Variants in ENTHD1 observed in about 807,000 individuals in gnomAD.
ENTHD1 encodes ENTH domain-containing protein 1.
ENTHD1 carries 23 observed loss-of-function variants against 39.1 expected under a neutral mutation model. That is an observed-to-expected ratio of 0.59 (90% CI 0.42 to 0.83). The LOEUF is 0.83. ENTHD1 is among the 40% of genes least tolerant of loss of function. The probability of loss-of-function intolerance (pLI) is 0.00; values close to 1 mark genes in which losing one functional copy is unlikely to be tolerated. For synonymous variants in ENTHD1, 230 were observed against 258.2 expected, an observed-to-expected ratio of 0.89 and a Z score of 1.05; for missense variants, 624 against 705.4, an observed-to-expected ratio of 0.88 and a Z score of 1.31.
intron 6 of ENTHD1, among the ~76,000 whole-genome samples, chr22:39,753,356 T>G (rs557330453): frequency 6.6e-6 from 1 of 152,328 alleles, no homozygotes; most frequent in South Asian, 2.1e-4. Context: ...GAGCTACAGA[T>G]AAATAACTTA....
At chr22:39,798,774 G>A (rs1034853058) in intron 5 of ENTHD1, among the ~76,000 whole-genome samples, 1 of 152,166 alleles carries the variant, frequency 6.6e-6, no homozygotes. Flanking sequence ...GGATGGGTGG[G>A]CAAGTCCTCC....
intron 5 of ENTHD1, among the ~76,000 whole-genome samples, chr22:39,770,079 A>G (rs1368918699): frequency 2.0e-5 from 3 of 152,162 alleles, no homozygotes; most frequent in Admixed American, 6.5e-5. Context: ...GGAAAGTTAA[A>G]TATGTGTAGA....
intron 5 of ENTHD1, among the ~76,000 whole-genome samples, chr22:39,795,382 G>A (rs1174398966): frequency 6.6e-6 from 1 of 151,782 alleles, no homozygotes; most frequent in East Asian, 1.9e-4. Context: ...GAAGCCATCT[G>A]GTCCTGGGCT....
chr22:39,776,955 G>A (rs998887821), intron 5 of ENTHD1, among the ~76,000 whole-genome samples: 3 of 152,134 alleles, frequency 2.0e-5, no homozygotes, highest in Non-Finnish European at 4.4e-5. Context: ...TCTTAGTAGT[G>A]GGGTTATATT....
intron 1 of ENTHD1, among the ~76,000 whole-genome samples, chr22:39,888,260 C>CTTTTTTTTTTTTTTTTT (rs61092462): frequency 2.7e-5 from 3 of 110,654 alleles, no homozygotes; most frequent in South Asian, 3.1e-4. Context: ...TTCTTTCTTT[C>CTTTTTTTTTTTTTTTTT]TTTTTTTTTT....
chr22:39,841,999 T>G (rs1233751294), intron 3 of ENTHD1, among the ~76,000 whole-genome samples: 1 of 151,686 alleles, frequency 6.6e-6, no homozygotes, highest in Non-Finnish European at 1.5e-5. Flanking sequence ...CTTATGAAGC[T>G]TAGTTTGGCT....
intron 6 of ENTHD1, chr22:39,750,594 T>C (rs764560997): frequency 6.5e-6 from 1 of 152,996 alleles, no homozygotes; most frequent in Non-Finnish European, 1.5e-5. Context: ...TGAAAAACAG[T>C]ACAAATTCTA....
chr22:39,808,905 T>C (rs1429030274), intron 5 of ENTHD1, among the ~76,000 whole-genome samples: 3 of 152,184 alleles, frequency 2.0e-5, no homozygotes, highest in Non-Finnish European at 1.5e-5. Flanking sequence ...TGAATCATGC[T>C]TTCCCATATT....
intron 3 of ENTHD1, among the ~76,000 whole-genome samples, chr22:39,843,361 CA>C (rs1486801745): frequency 1.3e-5 from 2 of 148,308 alleles, no homozygotes; most frequent in Non-Finnish European, 1.5e-5. Context: ...ATCGCAAGAA[CA>C]AAAAACCAAA....
At chr22:39,856,578 C>T (rs939253522) in intron 3 of ENTHD1, among the ~76,000 whole-genome samples, 1 of 152,082 alleles carries the variant, frequency 6.6e-6, no homozygotes, top group Non-Finnish European at 1.5e-5. Context: ...TTAAATGGTA[C>T]TCTTACTATA....
chr22:39,750,205 C>A, intron 6 of ENTHD1: 2 of 202,976 alleles, frequency 9.9e-6, no homozygotes, highest in South Asian at 2.0e-4. Context: ...GAATACTGTT[C>A]ATATTAATGA....
chr22:39,885,005 T>C (rs1217264798), intron 2 of ENTHD1, among the ~76,000 whole-genome samples: 1 of 152,146 alleles, frequency 6.6e-6, no homozygotes, highest in Non-Finnish European at 1.5e-5. Context: ...AATAGATACA[T>C]TGCACTTCAA....
At chr22:39,875,893 T>C (rs2066285365) in intron 2 of ENTHD1, 2 of 1,613,928 alleles carry the variant, frequency 1.2e-6, no homozygotes, top group Non-Finnish European at 1.7e-6. Context: ...CACAGCATGA[T>C]CTAGATCGAG....
intron 2 of ENTHD1, among the ~76,000 whole-genome samples, chr22:39,868,968 C>G (rs2066213426): frequency 6.6e-6 from 1 of 152,144 alleles, no homozygotes; most frequent in Non-Finnish European, 1.5e-5. Context: ...AGCCAAAAAA[C>G]AACAGATGCT....
At chr22:39,802,410 C>A (rs1388186153) in intron 5 of ENTHD1, among the ~76,000 whole-genome samples, 1 of 152,202 alleles carries the variant, frequency 6.6e-6, no homozygotes, top group Non-Finnish European at 1.5e-5. Context: ...GGAAACCCAG[C>A]AAGGCCTGTG....
intron 2 of ENTHD1, among the ~76,000 whole-genome samples, chr22:39,866,276 C>T (rs2066181019): frequency 1.3e-5 from 2 of 152,204 alleles, no homozygotes; most frequent in Non-Finnish European, 2.9e-5. Flanking sequence ...GGCCCAAGGA[C>T]ATTCATTTAT....
intron 2 of ENTHD1, among the ~76,000 whole-genome samples, chr22:39,879,345 C>T (rs2066316177): frequency 6.6e-6 from 1 of 151,110 alleles, no homozygotes. Context: ...TACCTGTAGT[C>T]CCAGCTACTT....
At chr22:39,843,618 GAAAA>G (rs902461975) in intron 3 of ENTHD1, among the ~76,000 whole-genome samples, 1 of 144,804 alleles carries the variant, frequency 6.9e-6, no homozygotes, top group South Asian at 2.2e-4. Flanking sequence ...AATAATAAAA[GAAAA>G]AAAAAAACTA....
At chr22:39,810,680 C>T (rs181222252) in intron 5 of ENTHD1, among the ~76,000 whole-genome samples, 8 of 152,222 alleles carry the variant, frequency 5.3e-5, no homozygotes, top group Admixed American at 2.6e-4. Context: ...TCAAGGATGA[C>T]GGTAGATTAT....
Sources: allele counts gnomAD v4.1 joint callset (sites outside exome capture counted in the v4.1 genomes callset), GRCh38; gene constraint gnomAD v4.1.1; transcripts MANE v1.5; gene names NCBI Gene and HGNC (gene_info 2026-07-23, HGNC 2026-07-21).